The following DNAH17 variants were observed in gnomAD, a reference collection of about 807,000 sequenced individuals.
The protein encoded by DNAH17 is axonemal beta dynein heavy chain 17.
DNAH17 carries 376 observed loss-of-function variants against 485.6 expected under a neutral mutation model. The observed-to-expected ratio is 0.77, with a 90% confidence interval of 0.71 to 0.84. The LOEUF (loss-of-function observed/expected upper bound fraction) is 0.84. Among genes scored for constraint, DNAH17 ranks in the 40% least tolerant of loss-of-function variants. The probability of loss-of-function intolerance (pLI) is 0.00; values close to 1 mark genes in which losing one functional copy is unlikely to be tolerated. For missense variants in DNAH17, 6,370 were observed against 5,839.3 expected (o/e 1.09, Z -2.96); for synonymous variants, 3,031 against 2,405.9 (o/e 1.26, Z -7.60).
At chr17:78,543,790 G>A (rs184632824) in intron 17 of DNAH17, 67 bp downstream of exon 17, 162 of 1,604,498 alleles carry the variant, frequency 1.0e-4, no homozygotes, top group African/African-American at 4.8e-4. Flanking sequence ...CTCCAGCCCT[G>A]GGTTTACTCT....
chr17:78,570,109 G>A (rs1236323842), intron 7 of DNAH17, 138 bp downstream of exon 7: 3 of 980,792 alleles, frequency 3.1e-6, no homozygotes, highest in Admixed American at 5.3e-5. Context: ...TCTCAGCTCG[G>A]GGCCTGAAAA....
At chr17:78,539,906 C>A in intron 17 of DNAH17, 26 bp from the exon 18 acceptor site, 1 of 1,540,910 alleles carries the variant, frequency 6.5e-7, no homozygotes, top group Non-Finnish European at 8.7e-7. Flanking sequence ...CACAGTTGGG[C>A]CTCACTTCAC....
intron 48 of DNAH17, among the ~76,000 whole-genome samples, chr17:78,481,135 C>G (rs2089331034): frequency 7.1e-6 from 1 of 140,078 alleles, no homozygotes; most frequent in African/African-American, 2.7e-5. Flanking sequence ...TGGAGTCTCA[C>G]TCAGTCACTC....
chr17:78,460,016 C>A lies in DNAH17; in HGVS notation c.9436-15G>T. On this transcript the variant is annotated splice_polypyrimidine_tract_variant and intron_variant, in intron 59 of 80. Transcript: ENST00000389840. The stretch of plus-strand genomic sequence containing the variant: ...GTCAGGTTGTTCTGCAAATGACAGA[C>A]GGGATGGGTCCGATGGGAGTTTGGA... 1 of 1,611,892 alleles carries A rather than the reference C, an allele frequency of 6.2e-7. No individual in the cohort carries two copies. The highest frequency in any genetic ancestry group is 8.5e-7 in the Non-Finnish European group (1 of 1,179,722).
chr17:78,507,397 A>C, intron 28 of DNAH17, 28 bp from the exon 29 acceptor site: 1 of 1,613,852 alleles, frequency 6.2e-7, no homozygotes, highest in South Asian at 1.1e-5. Context: ...TCGCCAAGGC[A>C]TTAGGGATCG....
intron 68 of DNAH17, 171 bp from the exon 69 acceptor site, chr17:78,449,755 G>A (rs1442470800): frequency 4.8e-6 from 3 of 626,254 alleles, no homozygotes; most frequent in Admixed American, 5.9e-5. Context: ...TTGGCTCACT[G>A]CACCCTCTGC....
chr17:78,543,876 T>C lies in DNAH17; in HGVS notation c.2513A>G (p.Lys838Arg), dbSNP rs769762410. 4 of 1,614,052 alleles carry C rather than the reference T, an allele frequency of 2.5e-6. No individual in the cohort carries two copies. The Admixed American group carries it at 6.7e-5, about 27-fold the overall frequency. Residue 838 changes from lysine to arginine, a missense_variant, in exon 17 of 81, where the codon AAG becomes AGG. Coordinates refer to ENST00000389840, the MANE Select transcript of DNAH17 (RefSeq NM_173628.4). ...RYAAVRDAGV[K>R]IQAMVAENAE... ...CCTTACTGCAACCATGGCTTGGATCTTCACTCCAGCATCCCTGACTGCTGC... is the reference window on the plus strand; with the variant it reads ...CCTTACTGCAACCATGGCTTGGATCCTCACTCCAGCATCCCTGACTGCTGC...
intron 36 of DNAH17, chr17:78,499,377 A>G (rs1332706405): frequency 6.2e-6 from 2 of 322,028 alleles, no homozygotes; most frequent in Non-Finnish European, 1.1e-5. Context: ...GTCCCTAATA[A>G]GGGGCTCAGA....
Position 78,490,713 on chromosome 17 carries a change from G to A in DNAH17, c.6804C>T (p.Asp2268=). ...RAGILYINPA[D]LGWNPVVSSW... ...GCCCCACTCACGGGTTCCATCCCAG[G>A]TCGGCTGGGTTGATGTAGAGGATGC... The change falls in exon 44 of 81, where the codon GAC becomes GAT. Residue 2268 remains aspartate, a synonymous_variant. Coordinates refer to ENST00000389840, the MANE Select transcript of DNAH17 (RefSeq NM_173628.4). 6.2e-7 allele frequency: 1 copy of A among 1,608,020 alleles called. No individual in the cohort carries two copies. Among genetic ancestry groups the A allele is most frequent in the Non-Finnish European group, 8.5e-7 (1 of 1,177,044 alleles).
At chr17:78,446,517 G>A (rs903641710) in intron 69 of DNAH17, among the ~76,000 whole-genome samples, 3 of 152,180 alleles carry the variant, frequency 2.0e-5, no homozygotes, top group Non-Finnish European at 2.9e-5. Context: ...CTGTAAGGCC[G>A]AGTAATACTC....
At chr17:78,454,798 C>A in intron 63 of DNAH17, 93 bp from the exon 64 acceptor site, 1 of 1,148,742 alleles carries the variant, frequency 8.7e-7, no homozygotes, top group Non-Finnish European at 1.2e-6. Flanking sequence ...TCTGGTGCTG[C>A]GGTTAGGGGT....
chr17:78,575,408 CCAGA>C (rs1285712692), intron 1 of DNAH17, among the ~76,000 whole-genome samples: 1 of 152,266 alleles, frequency 6.6e-6, no homozygotes, highest in Non-Finnish European at 1.5e-5. Context: ...ATGGCCGCAA[CCAGA>C]CAGTGTGAAG....
intron 19 of DNAH17, among the ~76,000 whole-genome samples, chr17:78,537,025 A>G (rs1347456873): frequency 6.6e-6 from 1 of 151,854 alleles, no homozygotes; most frequent in Non-Finnish European, 1.5e-5. Flanking sequence ...AAAAAATAAA[A>G]AAATTAGCCG....
In DNAH17 at chr17:78,544,996, C is replaced by T. The variant is rs777397697; in HGVS notation, c.2392-999G>A. On this transcript the variant is annotated intron_variant, in intron 16 of 80. Coordinates refer to ENST00000389840, the MANE Select transcript of DNAH17 (RefSeq NM_173628.4). ...GGCCATATCTCCCTATCCTCCATCC[C>T]ATCCCCCACTGGAAACATGAGGGAA... Among the ~76,000 whole-genome samples, 3 of 152,160 alleles carry T rather than the reference C, an allele frequency of 2.0e-5. No homozygotes were observed. The South Asian group carries it at 6.2e-4, about 32-fold the overall frequency.
chr17:78,505,933 G>A (rs1015810158), intron 30 of DNAH17, among the ~76,000 whole-genome samples: 4 of 152,016 alleles, frequency 2.6e-5, no homozygotes, highest in Admixed American at 6.5e-5. Context: ...AGCCGAGATC[G>A]CGCCATTGCA....
intron 25 of DNAH17, chr17:78,522,858 CTTT>C (rs540576103): frequency 1.2e-5 from 2 of 160,322 alleles, no homozygotes; most frequent in Non-Finnish European, 2.6e-5. Flanking sequence ...CTTTTTCTTT[CTTT>C]TTTTTTTTTG....
chr17:78,530,512 T>G lies in DNAH17; in HGVS notation c.3115A>C (p.Ile1039Leu). The G allele has an allele frequency of 6.2e-7, 1 of 1,602,172 alleles. No homozygotes were observed. Residue 1039 changes from isoleucine to leucine, a missense_variant and splice_region_variant, in exon 21 of 81, where the codon ATC becomes CTC. By Grantham distance (5) the Ile-to-Leu change is conservative (BLOSUM62 2). Coordinates refer to ENST00000389840, the MANE Select transcript of DNAH17 (RefSeq NM_173628.4). The stretch of plus-strand genomic sequence containing the variant: ...TCATACAGCTTCTCGTAGGAGTCGA[T>G]CTGGAAAACACGGCCACCGGCGGCC... ...PPTLAQFQEQIDSYEKLYEEV... is the reference protein window; with the variant it reads ...PPTLAQFQEQLDSYEKLYEEV...
At chr17:78,521,750 G>T (rs1360220564) in intron 25 of DNAH17, among the ~76,000 whole-genome samples, 3 of 152,158 alleles carry the variant, frequency 2.0e-5, no homozygotes, top group Non-Finnish European at 2.9e-5. Flanking sequence ...ACTTTGGGAG[G>T]CCAAGGCGGG....
intron 66 of DNAH17, 76 bp from the exon 67 acceptor site, chr17:78,450,922 A>C: frequency 6.4e-7 from 1 of 1,551,468 alleles, no homozygotes. Flanking sequence ...TCAGGTGGCC[A>C]TGTAGCTGAG....
Sources: gnomAD v4.1 joint callset for allele counts (sites outside exome capture counted in the v4.1 genomes callset) on GRCh38, gnomAD v4.1.1 for gene constraint, MANE v1.5 for transcripts, NCBI Gene and HGNC (gene_info 2026-07-23, HGNC 2026-07-21) for gene names.